PAK6: variants seen among roughly 807,000 people sequenced by gnomAD.
The protein encoded by PAK6 is serine/threonine-protein kinase PAK 6.
A neutral mutation model predicts 60.8 loss-of-function variants in PAK6; 33 were observed. That is an observed-to-expected ratio of 0.54 (90% confidence interval 0.41 to 0.73). The LOEUF is 0.73. PAK6 is among the 30% of genes least tolerant of loss of function. PAK6 has a pLI of 0.00. For missense variants in PAK6, 845 were observed against 904.1 expected (o/e 0.93, Z 0.84); for synonymous variants, 404 against 378.5 (o/e 1.07, Z -0.78).
At chr15:40,273,314 C>G in intron 7 of PAK6, 32 bp from the exon 8 acceptor site, 1 of 1,607,760 alleles carries the variant, frequency 6.2e-7, no homozygotes, top group Non-Finnish European at 8.5e-7. Context: ...CTAACGTTCT[C>G]TTTCATCGGG....
At chr15:40,270,403 C>T (rs1437348596) in intron 5 of PAK6, among the ~76,000 whole-genome samples, 1 of 152,226 alleles carries the variant, frequency 6.6e-6, no homozygotes, top group Non-Finnish European at 1.5e-5. Context: ...CTGCTCTAGG[C>T]TCCCACCGAA....
At chr15:40,253,152 T>C in intron 2 of PAK6, 26 bp from the exon 3 acceptor site, 1 of 453,842 alleles carries the variant, frequency 2.2e-6, no homozygotes, top group Non-Finnish European at 4.4e-6. Context: ...TTTGCCATAA[T>C]GCATTTCTGA....
exon 5 of PAK6, chr15:40,266,344 C>T (rs779932751): frequency 5.6e-6 from 9 of 1,612,276 alleles, no homozygotes; most frequent in Non-Finnish European, 7.6e-6. Context: ...CTGGTGGGCT[C>T]AGCCACAGGC....
At chr15:40,264,980 G>C (rs2039082075) in exon 4 of PAK6, 2 of 1,613,040 alleles carry the variant, frequency 1.2e-6, no homozygotes, top group Non-Finnish European at 1.7e-6. Context: ...TGCAGCTCCA[G>C]CCCATGAAGG....
chr15:40,272,702 G>C, exon 6 of PAK6: 1 of 1,594,806 alleles, frequency 6.3e-7, no homozygotes, highest in Non-Finnish European at 8.5e-7. Flanking sequence ...CAGCAGCGCA[G>C]GGAGCTGCTC....
In PAK6 at chr15:40,265,899, G is replaced by A. The variant is rs775883867; in HGVS notation, c.262G>A (p.Asp88Asn). Reference sequence around the variant, plus strand: ...TGGCTACATCTCGGGGCTGCTCAACGACATCCAGAAGTTGTCAGTCATCAG... The same window carrying A: ...TGGCTACATCTCGGGGCTGCTCAACAACATCCAGAAGTTGTCAGTCATCAG... The change falls in exon 5 of 11, where the codon GAC (aspartate) becomes AAC (asparagine). Residue 88 changes from aspartate (D) to asparagine (N), a missense_variant. Coordinates refer to ENST00000560346, the Ensembl canonical transcript of PAK6. 5.7e-6 allele frequency: 9 copies of A among 1,583,484 alleles called. No homozygotes were observed. The highest frequency in any genetic ancestry group is 2.7e-5 in the African/African-American group (2 of 74,322).
chr15:40,269,876 G>A (rs1162038650), intron 5 of PAK6, among the ~76,000 whole-genome samples: 1 of 152,220 alleles, frequency 6.6e-6, no homozygotes, highest in East Asian at 1.9e-4. Flanking sequence ...CCCTACCTCA[G>A]CCTGTCCACG....
At chr15:40,262,745 AAG>A (rs2039015619) in intron 3 of PAK6, among the ~76,000 whole-genome samples, 1 of 152,188 alleles carries the variant, frequency 6.6e-6, no homozygotes, top group Admixed American at 6.5e-5. Flanking sequence ...CAGGGATTCA[AAG>A]AGAGGTGACA....
intron 2 of PAK6, chr15:40,246,425 C>T (rs1331796439): frequency 6.6e-6 from 1 of 152,210 alleles, no homozygotes; most frequent in Non-Finnish European, 1.5e-5. Flanking sequence ...TAGAGTGGAT[C>T]TTGCTGATGA....
intron 2 of PAK6, among the ~76,000 whole-genome samples, chr15:40,241,493 C>T (rs2038336194): frequency 6.6e-6 from 1 of 152,154 alleles, no homozygotes; most frequent in African/African-American, 2.4e-5. Flanking sequence ...TTGGGGCAAG[C>T]AAGGAGTCCC....
At chr15:40,264,049 T>C in intron 3 of PAK6, 1 of 420,250 alleles carries the variant, frequency 2.4e-6, no homozygotes, top group Non-Finnish European at 4.8e-6. Flanking sequence ...TCCTCTTGGC[T>C]CAGGGCCTTT....
chr15:40,261,859 CCTT>C (rs1297383703), intron 3 of PAK6, among the ~76,000 whole-genome samples: 3 of 152,294 alleles, frequency 2.0e-5, no homozygotes, highest in African/African-American at 4.8e-5. Context: ...TCTGGGCTGT[CCTT>C]CTTTCTTCTC....
chr15:40,272,429 G>A lies in PAK6; in HGVS notation c.1064G>A (p.Trp355Ter). 1.2e-6 allele frequency: 2 copies of A among 1,613,590 alleles called. No individual in the cohort carries two copies. The highest frequency in any genetic ancestry group is 1.7e-5 in the Admixed American group (1 of 60,018). The change falls in exon 6 of 11, where the codon TGG becomes TAG. Residue 355 changes from tryptophan to a stop codon, truncating the protein, a stop_gained. Coordinates refer to ENST00000560346, the Ensembl canonical transcript of PAK6. LOFTEE classifies it high-confidence loss of function. Reference sequence around the variant, plus strand: ...TCCCCAGCGGGATCCCCCCGCACCTGGCACGCCCAGATCAGCACCAGCAAC... The same window carrying A: ...TCCCCAGCGGGATCCCCCCGCACCTAGCACGCCCAGATCAGCACCAGCAAC...
chr15:40,252,769 C>T, intron 2 of PAK6: 1 of 1,301,342 alleles, frequency 7.7e-7, no homozygotes. Context: ...TCCTGGGTGC[C>T]CATGCCCCGA....
At chr15:40,244,697 C>T (rs2038451565) in intron 2 of PAK6, among the ~76,000 whole-genome samples, 1 of 152,140 alleles carries the variant, frequency 6.6e-6, no homozygotes, top group African/African-American at 2.4e-5. Context: ...CACACCCAGC[C>T]TGCTTTTTCT....
At position 40,240,595 on chromosome 15, in the gene PAK6, G is replaced by A. The variant is rs2038300304; in HGVS notation, c.-200-4G>A. ...TTTTTTTTTTTTTTCTATTTTGCCT[G>A]AAGGGAGTGCCGCTTCCTGGGCTAG... is the stretch of plus-strand genomic sequence containing the variant. On this transcript the variant is annotated splice_region_variant and splice_polypyrimidine_tract_variant and intron_variant, in intron 1 of 10. Coordinates refer to ENST00000560346, the Ensembl canonical transcript of PAK6. 1 of 341,180 alleles carries A rather than the reference G, an allele frequency of 2.9e-6. No individual in the cohort carries two copies. The highest frequency in any genetic ancestry group is 3.0e-5 in the African/African-American group (1 of 33,282). The allele number at this position is 341,180 out of a possible 1,614,324, so 21.1% of individuals were successfully genotyped here.
intron 3 of PAK6, chr15:40,259,540 C>T (rs534945253): frequency 1.3e-4 from 20 of 152,298 alleles, no homozygotes; most frequent in African/African-American, 4.6e-4. Flanking sequence ...AATCCCAGCA[C>T]TTTGGGAGGC....
rs528842649 is a variant in PAK6 at position 40,270,172 on chromosome 15, C to A, written c.859-2052C>A. 3.9e-5 allele frequency among the ~76,000 whole-genome samples: 6 copies of A among 152,240 alleles called. No individual in the cohort carries two copies. In the South Asian group the frequency reaches 8.3e-4, roughly 21 times the overall value. ...GACTGTGTGATGCAGTGAGCCCTGC[C>A]CCACTTCCCTCCCTGTCCCTGCCTG... is the stretch of plus-strand genomic sequence containing the variant. On this transcript the variant is annotated intron_variant, in intron 5 of 10. Transcript: ENST00000560346.
chr15:40,248,043 A>C (rs1420413762), intron 2 of PAK6, among the ~76,000 whole-genome samples: 1 of 152,146 alleles, frequency 6.6e-6, no homozygotes, highest in Non-Finnish European at 1.5e-5. Context: ...CACCTTCCCC[A>C]GGGCGGGAGG....
Sources: allele counts gnomAD v4.1 joint callset (sites outside exome capture counted in the v4.1 genomes callset), GRCh38; gene constraint gnomAD v4.1.1; transcripts MANE v1.5; gene names NCBI Gene and HGNC (gene_info 2026-07-23, HGNC 2026-07-21).